The following THSD4 variants were observed in gnomAD, a reference collection of about 807,000 sequenced individuals.
The protein encoded by THSD4 is thrombospondin type 1 domain containing 4.
THSD4 carries 69 observed loss-of-function variants against 119.0 expected under a neutral mutation model. The observed-to-expected ratio is 0.58, with a 90% confidence interval of 0.48 to 0.71. The LOEUF is 0.71. THSD4 is among the 30% of genes least tolerant of loss of function. The pLI, the probability that THSD4 is intolerant of heterozygous loss-of-function variation, is 0.00. For synonymous variants in THSD4, 524 were observed against 540.4 expected (o/e 0.97, Z 0.42); for missense variants, 1,393 against 1,391.1 (o/e 1.00, Z -0.02).
chr15:71,445,269 C>T (rs2047165584), intron 7 of THSD4, among the ~76,000 whole-genome samples: 1 of 152,134 alleles, frequency 6.6e-6, no homozygotes, highest in African/African-American at 2.4e-5. Context: ...TCTTTATTGC[C>T]CTTTTTGATT....
intron 7 of THSD4, among the ~76,000 whole-genome samples, chr15:71,445,785 A>C (rs1489150753): frequency 6.6e-6 from 1 of 152,268 alleles, no homozygotes; most frequent in Non-Finnish European, 1.5e-5. Context: ...CTAATGGCTC[A>C]GAAAGTTCTT....
At chr15:71,775,305 T>G (rs1184086502) in intron 17 of THSD4, among the ~76,000 whole-genome samples, 4 of 152,200 alleles carry the variant, frequency 2.6e-5, no homozygotes, top group African/African-American at 9.7e-5. Context: ...GAGTAATATT[T>G]TAAAAAGCAA....
chr15:71,446,923 A>G (rs765934014), intron 7 of THSD4, among the ~76,000 whole-genome samples: 1 of 152,086 alleles, frequency 6.6e-6, no homozygotes, highest in African/African-American at 2.4e-5. Flanking sequence ...TTGTCTTAGT[A>G]GTGAAAACTG....
intron 7 of THSD4, among the ~76,000 whole-genome samples, chr15:71,550,955 AAAAT>A (rs546784337): frequency 1.2e-4 from 19 of 152,322 alleles, no homozygotes; most frequent in South Asian, 4.1e-4. Context: ...TTTTACATTA[AAAAT>A]AAATAAATGT....
chr15:71,737,864 C>T lies in THSD4; in HGVS notation c.1763C>T (p.Thr588Ile), dbSNP rs1263380617. Residue 588 changes from threonine to isoleucine, a missense_variant, in exon 11 of 18, where the codon ACC (threonine) becomes ATC (isoleucine). Physicochemically the swap from Thr to Ile is moderately conservative, Grantham distance 89. Coordinates refer to ENST00000261862, the MANE Select transcript of THSD4 (RefSeq NM_024817.3). ...PEMFTSESAQ[T>I]FPVRHPDRFS... ...ATGTTCACCTCAGAATCGGCACAGA[C>T]CTTCCCAGTCAGGCATCCAGACAGA... The T allele has an allele frequency of 4.3e-6, 7 of 1,614,262 alleles. No homozygotes were observed. The highest frequency in any genetic ancestry group is 3.3e-5 in the South Asian group (3 of 91,090).
At chr15:71,282,376 C>T (rs912561827) in intron 6 of THSD4, among the ~76,000 whole-genome samples, 1 of 151,380 alleles carries the variant, frequency 6.6e-6, no homozygotes, top group Non-Finnish European at 1.5e-5. Flanking sequence ...GTACCATAAC[C>T]TGGTATAGTT....
chr15:71,761,999 G>C (rs1357927274), intron 15 of THSD4, among the ~76,000 whole-genome samples: 1 of 152,186 alleles, frequency 6.6e-6, no homozygotes, highest in South Asian at 2.1e-4. Flanking sequence ...AGTTTTGCTA[G>C]AGCTCCTCCT....
chr15:71,755,566 T>C (rs1183596302), intron 14 of THSD4, among the ~76,000 whole-genome samples: 1 of 151,864 alleles, frequency 6.6e-6, no homozygotes, highest in Non-Finnish European at 1.5e-5. Context: ...TGCTAATAGA[T>C]AAGAGAAATG....
At chr15:71,670,353 A>C (rs1454917464) in intron 8 of THSD4, among the ~76,000 whole-genome samples, 1 of 151,596 alleles carries the variant, frequency 6.6e-6, no homozygotes, top group Non-Finnish European at 1.5e-5. Context: ...TCCTGGCAAT[A>C]GTTTGCTCAG....
In THSD4 at chr15:71,652,576, G is replaced by T. The variant is rs112821463; in HGVS notation, c.1153-7954G>T. Among the ~76,000 whole-genome samples the T allele has an allele frequency of 3.5e-3, 540 of 152,280 alleles. 4 individuals carry two copies. Among genetic ancestry groups the T allele is most frequent in the African/African-American group, 0.012 (511 of 41,562 alleles). ...CACCCTCCAGAGAACGATGACCCTT[G>T]TTGGAATTGGGGGAGGTGGTAATTA... On this transcript the variant is annotated intron_variant, in intron 7 of 17. Transcript: ENST00000261862.
At chr15:71,285,209 G>A (rs565227893) in intron 6 of THSD4, among the ~76,000 whole-genome samples, 1 of 152,232 alleles carries the variant, frequency 6.6e-6, no homozygotes, top group African/African-American at 2.4e-5. Context: ...ACACTAATAA[G>A]CCTTCACAAA....
chr15:71,137,465 T>C (rs919310532), intron 1 of THSD4, among the ~76,000 whole-genome samples: 25 of 152,348 alleles, frequency 1.6e-4, no homozygotes, highest in Non-Finnish European at 3.5e-4. Flanking sequence ...TTTAAACTTT[T>C]CTGGCTGGGA....
At chr15:71,709,660 T>A (rs1248514475) in intron 8 of THSD4, among the ~76,000 whole-genome samples, 1 of 152,180 alleles carries the variant, frequency 6.6e-6, no homozygotes, top group Non-Finnish European at 1.5e-5. Flanking sequence ...GAAGTTGGAT[T>A]TGACTTGTTA....
intron 7 of THSD4, 113 bp downstream of exon 7, chr15:71,411,936 C>G: frequency 7.2e-7 from 1 of 1,392,788 alleles, no homozygotes; most frequent in East Asian, 2.4e-5. Flanking sequence ...CACGTCAGGG[C>G]CACTCAACCA....
At chr15:71,391,681 G>T (rs2046381639) in intron 6 of THSD4, among the ~76,000 whole-genome samples, 1 of 152,206 alleles carries the variant, frequency 6.6e-6, no homozygotes, top group African/African-American at 2.4e-5. Flanking sequence ...TTGAATCTGA[G>T]TATGCTTGTT....
intron 7 of THSD4, among the ~76,000 whole-genome samples, chr15:71,540,911 T>TG (rs2048751255): frequency 1.3e-5 from 2 of 151,764 alleles, no homozygotes; most frequent in Admixed American, 1.3e-4. Flanking sequence ...TTAGTAGAGA[T>TG]GGGGTTTCAC....
intron 6 of THSD4, among the ~76,000 whole-genome samples, chr15:71,400,278 G>A (rs1026455793): frequency 6.6e-6 from 1 of 152,186 alleles, no homozygotes; most frequent in Admixed American, 6.5e-5. Context: ...ATAATGGAAA[G>A]CGCCCAAAAC....
chr15:71,387,824 T>C (rs993033296), intron 6 of THSD4, among the ~76,000 whole-genome samples: 6 of 152,192 alleles, frequency 3.9e-5, no homozygotes, highest in Admixed American at 3.3e-4. Flanking sequence ...ATCTTAAAGA[T>C]TTTTTTCTCA....
chr15:71,709,982 G>A (rs532849612), intron 8 of THSD4, among the ~76,000 whole-genome samples: 14 of 152,298 alleles, frequency 9.2e-5, no homozygotes, highest in African/African-American at 3.4e-4. Flanking sequence ...GGGATGTGGG[G>A]AATCCCCTGC....
Sources: gnomAD v4.1 joint callset for allele counts (sites outside exome capture counted in the v4.1 genomes callset) on GRCh38, gnomAD v4.1.1 for gene constraint, MANE v1.5 for transcripts, NCBI Gene and HGNC (gene_info 2026-07-23, HGNC 2026-07-21) for gene names.